Variants in CARM1 observed in about 807,000 individuals in gnomAD.
CARM1 encodes coactivator associated arginine methyltransferase 1, also known as histone-arginine methyltransferase CARM1.
In CARM1, 14 loss-of-function variants were observed where a neutral mutation model predicts 72.7. That is an observed-to-expected ratio of 0.19 (90% CI 0.13 to 0.30). CARM1 has a LOEUF of 0.30. CARM1 is among the 10% of genes least tolerant of loss of function. The pLI, the probability that CARM1 is intolerant of heterozygous loss-of-function variation, is 1.00. For missense variants in CARM1, 432 were observed against 833.7 expected (o/e 0.52, Z 5.93); for synonymous variants, 333 against 345.5 (o/e 0.96, Z 0.40).
intron 3 of CARM1, chr19:10,908,690 G>A (rs1040017534): frequency 2.2e-5 from 4 of 183,236 alleles, no homozygotes; most frequent in African/African-American, 2.4e-5. Flanking sequence ...CCTCCCGATC[G>A]CCCGTTGTCT....
intron 1 of CARM1, 96 bp downstream of exon 1, chr19:10,872,018 C>T (rs2073822711): frequency 9.7e-7 from 1 of 1,033,940 alleles, no homozygotes; most frequent in African/African-American, 1.7e-5. Context: ...AGCGCGGGGG[C>T]CTGGCGTGGG....
chr19:10,875,770 C>T (rs1448031568), intron 1 of CARM1, among the ~76,000 whole-genome samples: 2 of 151,512 alleles, frequency 1.3e-5, no homozygotes. Context: ...GATTTAGGGC[C>T]CACTTTATAT....
In CARM1 at chr19:10,916,746, C is replaced by T. The variant is rs2074200192; in HGVS notation, c.989C>T (p.Ala330Val). 6.4e-7 allele frequency: 1 copy of T among 1,552,258 alleles called. No individual in the cohort carries two copies. Among genetic ancestry groups the T allele is most frequent in the Non-Finnish European group, 8.7e-7 (1 of 1,147,688 alleles). Residue 330 changes from alanine to valine, a missense_variant, in exon 8 of 16, where the codon GCG (alanine) becomes GTG (valine). Ala to Val is a moderately conservative substitution (Grantham distance 64, BLOSUM62 0). Around this residue, in one of 3 missense-constraint regions of CARM1, gnomAD observed 152 missense variants for 452.8 expected, o/e 0.34. Transcript: ENST00000327064. This position sits in a 1 kb window ranked among gnomAD's most constrained non-coding sequence, Gnocchi z 4.4. ...GVDLSALRGA[A>V]VDEYFRQPVV... ...GACCTGTCGGCCCTCCGAGGTGCCG[C>T]GGTGGATGAGTATTTCCGGCAGCCT...
At chr19:10,877,671 C>G (rs898802419) in intron 1 of CARM1, among the ~76,000 whole-genome samples, 2 of 152,120 alleles carry the variant, frequency 1.3e-5, no homozygotes, top group Admixed American at 6.6e-5. Flanking sequence ...ATCTGCCTGC[C>G]TCAGCCTCCC....
intron 8 of CARM1, among the ~76,000 whole-genome samples, chr19:10,917,721 T>TC (rs1371663795): frequency 6.7e-6 from 1 of 148,184 alleles, no homozygotes; most frequent in Non-Finnish European, 1.5e-5. Flanking sequence ...TCTTTTTCTT[T>TC]TTTTTTTTTT....
At chr19:10,907,508 G>A (rs537406153) in intron 2 of CARM1, among the ~76,000 whole-genome samples, 67 of 151,766 alleles carry the variant, frequency 4.4e-4, no homozygotes, top group Middle Eastern at 6.8e-3. Flanking sequence ...ACTCCTGACA[G>A]CTGATCTGCC....
Position 10,921,034 on chromosome 19 carries a change from C to T in CARM1, c.1538-16C>T, listed in dbSNP as rs771101516. ...CCCTCTGCCTCCAGCCCTGACGTCT[C>T]CCTCTCTGGACACAGGGATGCCGAC... On this transcript the variant is annotated splice_polypyrimidine_tract_variant and intron_variant, in intron 13 of 15. Coordinates refer to ENST00000327064, the MANE Select transcript of CARM1 (RefSeq NM_199141.2). 6.2e-7 allele frequency: 1 copy of T among 1,613,956 alleles called. No homozygotes were observed. The highest frequency in any genetic ancestry group is 1.1e-5 in the South Asian group (1 of 91,086).
chr19:10,873,964 A>G (rs978036530), intron 1 of CARM1, among the ~76,000 whole-genome samples: 9 of 152,044 alleles, frequency 5.9e-5, no homozygotes, highest in South Asian at 2.1e-4. Context: ...TTATAGATGT[A>G]TTGGCAACAT....
chr19:10,884,839 G>A (rs1263854049), intron 1 of CARM1, among the ~76,000 whole-genome samples: 1 of 152,098 alleles, frequency 6.6e-6, no homozygotes, highest in Non-Finnish European at 1.5e-5. Context: ...CGAGTAGCTG[G>A]GATCATAGAC....
At position 10,919,678 on chromosome 19, in the gene CARM1, C is replaced by T. The variant is rs1029091841; in HGVS notation, c.1104C>T (p.His368=). Residue 368 remains histidine, a splice_region_variant and synonymous_variant, in exon 9 of 16, where the codon CAC becomes CAT. Transcript: ENST00000327064. ...TAGAAGCCAAAGAAGGAGATTTGCA[C>T]AGGTACTGGCACCCACACTCCATCC... The part of the protein sequence containing the change: ...NFLEAKEGDL[H]RIEIPFKFHM... The T allele has an allele frequency of 6.2e-7, 1 of 1,610,680 alleles. No homozygotes were observed. The highest frequency in any genetic ancestry group is 8.5e-7 in the Non-Finnish European group (1 of 1,176,830).
rs1030355685 is a variant in CARM1, at chr19:10,890,320, T to C, written c.221-14631T>C. On this transcript the variant is annotated intron_variant, in intron 1 of 15. Coordinates refer to ENST00000327064, the MANE Select transcript of CARM1 (RefSeq NM_199141.2). Reference sequence around the variant, plus strand: ...TTCGCTCTTGTTGTCCAGGCTGGAGTGCAGTGGCGCGATCTTGGCTCACTG... The same window carrying C: ...TTCGCTCTTGTTGTCCAGGCTGGAGCGCAGTGGCGCGATCTTGGCTCACTG... Among the ~76,000 whole-genome samples the C allele has an allele frequency of 4.7e-5, 7 of 150,164 alleles. No individual in the cohort carries two copies. The South Asian group carries it at 1.3e-3, about 27-fold the overall frequency.
intron 1 of CARM1, among the ~76,000 whole-genome samples, chr19:10,904,550 G>A (rs529480922): frequency 2.8e-4 from 42 of 152,326 alleles, no homozygotes; most frequent in Non-Finnish European, 5.0e-4. Context: ...TGAACCCAGC[G>A]GTCTGACTCC....
chr19:10,912,917 C>T lies in CARM1; in HGVS notation c.669+623C>T, dbSNP rs1022947910. On this transcript the variant is annotated intron_variant, in intron 5 of 15. Transcript: ENST00000327064. This position sits in a 1 kb window ranked among gnomAD's most constrained non-coding sequence, Gnocchi z 4.5. The stretch of plus-strand genomic sequence containing the variant: ...CTGTCCTGAGCCCCTCTCCCACATG[C>T]GGTTGTGTCTGTAGGACACACCCTA... Among the ~76,000 whole-genome samples the T allele has an allele frequency of 2.0e-5, 3 of 152,182 alleles. No individual in the cohort carries two copies. The highest frequency in any genetic ancestry group is 2.9e-5 in the Non-Finnish European group (2 of 68,038).
intron 1 of CARM1, among the ~76,000 whole-genome samples, chr19:10,874,352 C>G (rs1289908515): frequency 6.6e-6 from 1 of 151,622 alleles, no homozygotes; most frequent in Non-Finnish European, 1.5e-5. Context: ...TTTTTTTTTA[C>G]ACTTTTTTGT....
intron 1 of CARM1, among the ~76,000 whole-genome samples, chr19:10,887,123 C>T (rs2073947970): frequency 6.6e-6 from 1 of 152,222 alleles, no homozygotes; most frequent in Non-Finnish European, 1.5e-5. Flanking sequence ...CAGGTTTGGC[C>T]CTGATCCGTT....
chr19:10,885,897 T>C (rs372713650), intron 1 of CARM1, among the ~76,000 whole-genome samples: 15 of 148,422 alleles, frequency 1.0e-4, no homozygotes, highest in East Asian at 7.9e-4. Flanking sequence ...CATTTTTTTT[T>C]TTTTTTTTTT....
At chr19:10,880,308 G>A (rs1380724045) in intron 1 of CARM1, among the ~76,000 whole-genome samples, 1 of 152,122 alleles carries the variant, frequency 6.6e-6, no homozygotes, top group East Asian at 1.9e-4. Flanking sequence ...GAGGCTGGGA[G>A]GGGTTTCCAT....
chr19:10,885,039 A>G (rs1465560874), intron 1 of CARM1, among the ~76,000 whole-genome samples: 1 of 152,202 alleles, frequency 6.6e-6, no homozygotes, highest in African/African-American at 2.4e-5. Flanking sequence ...TAGTCAGTAC[A>G]CACACATGCC....
At chr19:10,907,952 A>G (rs1431890272) in intron 2 of CARM1, 87 bp from the exon 3 acceptor site, 8 of 790,574 alleles carry the variant, frequency 1.0e-5, no homozygotes, top group Non-Finnish European at 1.8e-5. Flanking sequence ...AAACGTCAGG[A>G]CATACGGCCA....
Sources: gnomAD v4.1 joint callset for allele counts (sites outside exome capture counted in the v4.1 genomes callset) on GRCh38, gnomAD v4.1.1 for gene constraint, gnomAD v4.1.1 regional missense constraint, Gnocchi (gnomAD v3.1) non-coding constraint, MANE v1.5 for transcripts, NCBI Gene and HGNC (gene_info 2026-07-23, HGNC 2026-07-21) for gene names.